NPR3: variants seen among roughly 807,000 people sequenced by gnomAD.
The protein encoded by NPR3 is atrial natriuretic peptide receptor 3.
In NPR3, 34 loss-of-function variants were observed where a neutral mutation model predicts 54.5. That is an observed-to-expected ratio of 0.62 (90% confidence interval 0.47 to 0.83). The LOEUF (loss-of-function observed/expected upper bound fraction) is 0.83. Ranked by LOEUF, NPR3 falls within the 40% of genes least tolerant of loss-of-function variation. NPR3 has a pLI of 0.00. For synonymous variants in NPR3, 289 were observed against 297.1 expected (o/e 0.97, Z 0.28); for missense variants, 674 against 720.8 (o/e 0.94, Z 0.74).
chr5:32,714,736 A>G (rs948603532), intron 1 of NPR3, among the ~76,000 whole-genome samples: 1 of 152,172 alleles, frequency 6.6e-6, no homozygotes, highest in Non-Finnish European at 1.5e-5. Flanking sequence ...CGAGAGAAAA[A>G]GTTACTTGAT....
rs1285060901 is a variant in NPR3, at chr5:32,791,495, T to G, written c.*5150T>G. On this transcript the variant is annotated 3_prime_UTR_variant, in exon 8 of 8. Coordinates refer to ENST00000265074, the MANE Select transcript of NPR3 (RefSeq NM_001204375.2). ...CTATTTGCATATAATGTGATTTAAT[T>G]TATTGCTGTTTTGTGTAGAAAAGGA... is the stretch of plus-strand genomic sequence containing the variant. 1 of 167,096 alleles carries G rather than the reference T, an allele frequency of 6.0e-6. No homozygotes were observed. The highest frequency in any genetic ancestry group is 2.4e-5 in the African/African-American group (1 of 41,452). 10.4% of individuals were successfully genotyped at this position (167,096 alleles called of 1,614,324 possible).
intron 3 of NPR3, among the ~76,000 whole-genome samples, chr5:32,770,595 AATG>A (rs1260241806): frequency 2.0e-5 from 3 of 152,178 alleles, no homozygotes; most frequent in African/African-American, 4.8e-5. Flanking sequence ...CAGCACCAAT[AATG>A]ATTACCCTGG....
At chr5:32,776,147 T>C (rs1482964136) in intron 4 of NPR3, among the ~76,000 whole-genome samples, 1 of 152,252 alleles carries the variant, frequency 6.6e-6, no homozygotes, top group African/African-American at 2.4e-5. Context: ...TTAAAATTTG[T>C]ATGAAAGGGG....
chr5:32,699,528 G>A (rs548033329), intron 1 of NPR3, among the ~76,000 whole-genome samples: 3 of 152,060 alleles, frequency 2.0e-5, no homozygotes, highest in Admixed American at 2.0e-4. Context: ...TGTTCTTATT[G>A]TTTAACTCCC....
chr5:32,784,946 A>G (rs1742532748), intron 7 of NPR3, 63 bp downstream of exon 7: 2 of 1,277,626 alleles, frequency 1.6e-6, no homozygotes, highest in Non-Finnish European at 2.3e-6. Flanking sequence ...TTGATTTTAC[A>G]TGATTCTCTT....
intron 3 of NPR3, among the ~76,000 whole-genome samples, chr5:32,747,485 T>G (rs1740360434): frequency 6.6e-6 from 1 of 152,318 alleles, no homozygotes; most frequent in African/African-American, 2.4e-5. Context: ...TATAGCTTTT[T>G]GTTTCTCTGG....
intron 3 of NPR3, among the ~76,000 whole-genome samples, chr5:32,766,581 C>T (rs912408645): frequency 1.3e-5 from 2 of 152,150 alleles, no homozygotes; most frequent in African/African-American, 4.8e-5. Context: ...TTTGTAACAT[C>T]TCTTTTTCCT....
intron 4 of NPR3, among the ~76,000 whole-genome samples, chr5:32,776,988 G>A (rs1742085634): frequency 6.6e-6 from 1 of 152,148 alleles, no homozygotes; most frequent in Non-Finnish European, 1.5e-5. Context: ...AGAGGGAATG[G>A]CAAACGTGGA....
At chr5:32,704,069 G>A (rs1737914041) in intron 1 of NPR3, among the ~76,000 whole-genome samples, 1 of 152,206 alleles carries the variant, frequency 6.6e-6, no homozygotes, top group Admixed American at 6.5e-5. Flanking sequence ...GTTAGGGCTA[G>A]TGTAAATGCT....
chr5:32,785,643 C>T (rs978916639), intron 7 of NPR3, among the ~76,000 whole-genome samples: 4 of 152,168 alleles, frequency 2.6e-5, no homozygotes, highest in East Asian at 1.9e-4. Flanking sequence ...GATCTGTGCT[C>T]AGTATCTGGA....
chr5:32,741,280 T>G (rs1434343712), intron 3 of NPR3, among the ~76,000 whole-genome samples: 1 of 152,062 alleles, frequency 6.6e-6, no homozygotes, highest in Non-Finnish European at 1.5e-5. Context: ...TAGCCAGGCA[T>G]GGTGGCATGC....
At position 32,787,210 on chromosome 5, in the gene NPR3, GTTTCCCTT is replaced by G. The variant is rs1742686274; in HGVS notation, c.*874_*881del. On this transcript the variant is annotated 3_prime_UTR_variant, in exon 8 of 8. Coordinates refer to ENST00000265074, the MANE Select transcript of NPR3 (RefSeq NM_001204375.2). ...AAAAAATACTTCTCTTTTTCTCCCT[GTTTCCCTT>G]TTTCCCTTGGCCACAGCCAAATGCT... The G allele has an allele frequency of 6.6e-6, 1 of 152,486 alleles. No individual in the cohort carries two copies. The highest frequency in any genetic ancestry group is 2.4e-5 in the African/African-American group (1 of 41,414). 9.4% of individuals were successfully genotyped at this position (152,486 alleles called of 1,614,324 possible).
chr5:32,712,653 G>A (rs997687559), intron 1 of NPR3, 108 bp downstream of exon 1: 3 of 1,096,102 alleles, frequency 2.7e-6, no homozygotes, highest in African/African-American at 3.1e-5. Context: ...GCGGCGCTGA[G>A]GTCGGGTGCG....
chr5:32,744,923 C>T (rs700925), intron 3 of NPR3, among the ~76,000 whole-genome samples: 34,757 of 152,134 alleles, frequency 0.23, 4,149 homozygotes, highest in African/African-American at 0.3. Flanking sequence ...TTGCATTCCC[C>T]TACTGTGTAC....
chr5:32,714,593 T>C (rs925539955), intron 1 of NPR3, among the ~76,000 whole-genome samples: 3 of 152,140 alleles, frequency 2.0e-5, no homozygotes, highest in Non-Finnish European at 4.4e-5. Context: ...GTTAGGATTT[T>C]ACAATTCTTA....
At chr5:32,763,423 A>G (rs1424398141) in intron 3 of NPR3, among the ~76,000 whole-genome samples, 2 of 152,032 alleles carry the variant, frequency 1.3e-5, no homozygotes, top group East Asian at 3.9e-4. Flanking sequence ...CCTGGGTTCA[A>G]ACAACTTTCC....
rs1742862831 is a variant in NPR3, at chr5:32,790,665, AG to A, written c.*4322del. 1 of 166,510 alleles carries A rather than the reference AG, an allele frequency of 6.0e-6. No homozygotes were observed. The highest frequency in any genetic ancestry group is 1.5e-5 in the Non-Finnish European group (1 of 68,104). The allele number at this position is 166,510 out of a possible 1,614,324, so 10.3% of individuals were successfully genotyped here. On this transcript the variant is annotated 3_prime_UTR_variant, in exon 8 of 8. Transcript: ENST00000265074. ...CTGCAGGATTAAAATAACTTCCAAA[AG>A]GTGCTGGATTGGAGTTTGTTCAAAT...
At chr5:32,758,139 C>T (rs182258593) in intron 3 of NPR3, among the ~76,000 whole-genome samples, 3 of 152,280 alleles carry the variant, frequency 2.0e-5, no homozygotes, top group East Asian at 1.9e-4. Flanking sequence ...GGAGGATTCC[C>T]TCTTTTTCTA....
chr5:32,716,505 A>C (rs1408728798), intron 1 of NPR3: 3 of 442,004 alleles, frequency 6.8e-6, no homozygotes, highest in African/African-American at 6.1e-5. Flanking sequence ...TTGTGCCAAA[A>C]TTTTTCTCAG....
Sources: gnomAD v4.1 joint callset for allele counts (sites outside exome capture counted in the v4.1 genomes callset) on GRCh38, gnomAD v4.1.1 for gene constraint, MANE v1.5 for transcripts, NCBI Gene and HGNC (gene_info 2026-07-23, HGNC 2026-07-21) for gene names.